Variants in MYO1D observed in about 807,000 individuals in gnomAD.
MYO1D encodes unconventional myosin-Id.
Under a neutral mutation model 122.0 loss-of-function variants are expected in MYO1D, and 83 were observed. That is an observed-to-expected ratio of 0.68 (90% CI 0.57 to 0.82). The LOEUF is 0.82. Among genes scored for constraint, MYO1D ranks in the 40% least tolerant of loss-of-function variants. The pLI is 0.00. For synonymous variants in MYO1D, 464 were observed against 446.9 expected, an observed-to-expected ratio of 1.04 and a Z score of -0.48; for missense variants, 1,157 against 1,269.5, an observed-to-expected ratio of 0.91 and a Z score of 1.35.
chr17:32,760,837 T>C (rs1479142269), intron 8 of MYO1D, among the ~76,000 whole-genome samples: 1 of 152,200 alleles, frequency 6.6e-6, no homozygotes, highest in Non-Finnish European at 1.5e-5. Context: ...GCTTGTATTT[T>C]TAAAAGATTA....
At chr17:32,565,432 C>A (rs896006895) in intron 21 of MYO1D, among the ~76,000 whole-genome samples, 6 of 152,228 alleles carry the variant, frequency 3.9e-5, no homozygotes, top group Admixed American at 3.9e-4. Context: ...TAAAACCTCA[C>A]CTCTGGACCC....
intron 21 of MYO1D, among the ~76,000 whole-genome samples, chr17:32,536,216 G>C: frequency 6.6e-6 from 1 of 151,994 alleles, no homozygotes; most frequent in East Asian, 1.9e-4. Context: ...TGTATTTTTA[G>C]TAGAGACAGG....
intron 21 of MYO1D, among the ~76,000 whole-genome samples, chr17:32,513,530 T>A (rs1168914134): frequency 6.6e-6 from 1 of 152,136 alleles, no homozygotes; most frequent in African/African-American, 2.4e-5. Context: ...GACCCAGGAG[T>A]ACACAGGGCT....
chr17:32,500,189 C>T (rs1011436797), intron 21 of MYO1D, among the ~76,000 whole-genome samples: 23 of 152,266 alleles, frequency 1.5e-4, no homozygotes, highest in African/African-American at 4.6e-4. Context: ...GCTGGGGCCG[C>T]GTAAGGCTGC....
intron 21 of MYO1D, among the ~76,000 whole-genome samples, chr17:32,543,614 A>T (rs1244836843): frequency 6.7e-6 from 1 of 150,132 alleles, no homozygotes; most frequent in Non-Finnish European, 1.5e-5. Context: ...AATAAAAATA[A>T]AAATAAATAA....
At chr17:32,643,818 T>G (rs2088243351) in intron 19 of MYO1D, among the ~76,000 whole-genome samples, 1 of 152,230 alleles carries the variant, frequency 6.6e-6, no homozygotes, top group Non-Finnish European at 1.5e-5. Context: ...TCTTTTCTTC[T>G]TTATGAGTCT....
At chr17:32,623,892 TA>T (rs1026391581) in intron 20 of MYO1D, among the ~76,000 whole-genome samples, 1 of 152,060 alleles carries the variant, frequency 6.6e-6, no homozygotes. Context: ...ATAATCCCAT[TA>T]TGAGGGTAGA....
chr17:32,745,226 C>G lies in MYO1D; in HGVS notation c.1598G>C (p.Arg533Pro), dbSNP rs772624904. The G allele has an allele frequency of 1.3e-6, 2 of 1,523,742 alleles. No individual in the cohort carries two copies. The highest frequency in any genetic ancestry group is 9.1e-7 in the Non-Finnish European group (1 of 1,104,370). 94.4% of individuals were successfully genotyped at this position (1,523,742 alleles called of 1,614,324 possible). Residue 533 changes from arginine to proline, a missense_variant, in exon 13 of 22, where the codon CGC becomes CCC. By Grantham distance (103) the Arg-to-Pro change is moderately radical. Coordinates refer to ENST00000318217, the MANE Select transcript of MYO1D (RefSeq NM_015194.3). ...NKDTLFQDFKRLMYNSSNPVL... is the reference protein window; with the variant it reads ...NKDTLFQDFKPLMYNSSNPVL... Reference sequence around the variant, plus strand: ...TCAATCTTACCTGTTATACATAAGGCGCTTGAAATCTTGAAATAAAGTATC... The same window carrying G: ...TCAATCTTACCTGTTATACATAAGGGGCTTGAAATCTTGAAATAAAGTATC...
intron 21 of MYO1D, chr17:32,602,696 T>G (rs951816484): frequency 6.6e-6 from 1 of 152,176 alleles, no homozygotes; most frequent in African/African-American, 2.4e-5. Context: ...TCCTCCCAAC[T>G]GCTGACAAGA....
intron 1 of MYO1D, among the ~76,000 whole-genome samples, chr17:32,784,456 TC>T (rs1335945434): frequency 6.6e-6 from 1 of 152,100 alleles, no homozygotes; most frequent in Non-Finnish European, 1.5e-5. Flanking sequence ...CTTTTTTTTT[TC>T]CTTTTTAGAA....
chr17:32,751,293 T>C (rs147321916), intron 11 of MYO1D, among the ~76,000 whole-genome samples: 5 of 152,248 alleles, frequency 3.3e-5, no homozygotes, highest in Non-Finnish European at 7.4e-5. Flanking sequence ...CCGTAGCAAA[T>C]GATGATATCC....
chr17:32,649,240 T>C (rs2088348786), intron 19 of MYO1D, among the ~76,000 whole-genome samples: 1 of 152,252 alleles, frequency 6.6e-6, no homozygotes, highest in Admixed American at 6.5e-5. Context: ...TATAGGTCAA[T>C]GCTTCATTGG....
intron 21 of MYO1D, among the ~76,000 whole-genome samples, chr17:32,589,097 A>G (rs1007978800): frequency 1.3e-5 from 2 of 152,256 alleles, no homozygotes; most frequent in East Asian, 1.9e-4. Context: ...TGTGAACTGC[A>G]TATTTGTGAA....
chr17:32,556,973 T>C (rs984653588), intron 21 of MYO1D, among the ~76,000 whole-genome samples: 6 of 152,104 alleles, frequency 3.9e-5, no homozygotes, highest in Non-Finnish European at 8.8e-5. Flanking sequence ...CTCACATATT[T>C]TACAGACAAA....
Position 32,876,773 on chromosome 17 carries a change from C to G in MYO1D, c.95+5G>C, listed in dbSNP as rs2091236546. 2.0e-6 allele frequency: 3 copies of G among 1,506,138 alleles called. No individual in the cohort carries two copies. Among genetic ancestry groups the G allele is most frequent in the Non-Finnish European group, 2.7e-6 (3 of 1,127,082 alleles). The allele number at this position is 1,506,138 out of a possible 1,614,324, so 93.3% of individuals were successfully genotyped here. A position where few individuals can be genotyped will look rare whatever the true frequency, so the allele number is the denominator to read the frequency against. ...CGCCCCTGCGCGCGGCCGCTCCGCC[C>G]TCACCTGAGCCTGAGGTTGGCCATG... is the stretch of plus-strand genomic sequence containing the variant. On this transcript the variant is annotated splice_donor_5th_base_variant and intron_variant, in intron 1 of 21. Transcript: ENST00000318217.
At chr17:32,693,444 T>G (rs2089131308) in intron 16 of MYO1D, among the ~76,000 whole-genome samples, 2 of 151,410 alleles carry the variant, frequency 1.3e-5, no homozygotes, top group Admixed American at 6.6e-5. Flanking sequence ...CTAAACATAG[T>G]GGGGGCTCAA....
chr17:32,688,748 A>G (rs1226118118), intron 16 of MYO1D, among the ~76,000 whole-genome samples: 3 of 152,186 alleles, frequency 2.0e-5, no homozygotes, highest in Non-Finnish European at 4.4e-5. Flanking sequence ...ACGGAGACAC[A>G]ACACCATAAA....
chr17:32,659,014 A>G (rs964457248), intron 17 of MYO1D, 101 bp downstream of exon 17: 2 of 1,128,194 alleles, frequency 1.8e-6, no homozygotes, highest in African/African-American at 3.1e-5. Flanking sequence ...ATGTCATAAC[A>G]GCAAATAGCT....
chr17:32,818,410 C>G (rs1001005494), intron 1 of MYO1D, among the ~76,000 whole-genome samples: 2 of 152,108 alleles, frequency 1.3e-5, no homozygotes, highest in African/African-American at 4.8e-5. Context: ...TAGCTCCAGC[C>G]CAGTGGGAAG....
Sources: gnomAD v4.1 joint callset for allele counts (sites outside exome capture counted in the v4.1 genomes callset) on GRCh38, gnomAD v4.1.1 for gene constraint, MANE v1.5 for transcripts, NCBI Gene and HGNC (gene_info 2026-07-23, HGNC 2026-07-21) for gene names.